Variants in ERMARD observed in about 807,000 individuals in gnomAD.
The protein encoded by ERMARD is ER membrane associated RNA degradation.
In ERMARD, 71 loss-of-function variants were observed where a neutral mutation model predicts 83.9. The ratio of observed to expected loss-of-function variants is 0.85; its 90% CI spans 0.70 to 1.03. The LOEUF (loss-of-function observed/expected upper bound fraction) is 1.03. ERMARD is among the 50% of genes least tolerant of loss of function. The pLI, the probability that ERMARD is intolerant of heterozygous loss-of-function variation, is 0.00. For synonymous variants in ERMARD, 284 were observed against 298.6 expected (o/e 0.95, Z 0.50); for missense variants, 838 against 810.9 (o/e 1.03, Z -0.41).
intron 1 of ERMARD, among the ~76,000 whole-genome samples, chr6:169,752,885 A>G (rs1367633405): frequency 3.9e-5 from 6 of 152,236 alleles, no homozygotes; most frequent in South Asian, 2.1e-4. Context: ...ACCTCTGCCC[A>G]TCTTAGTTCG....
intron 9 of ERMARD, among the ~76,000 whole-genome samples, chr6:169,763,266 C>T (rs1231693840): frequency 1.3e-5 from 2 of 152,202 alleles, no homozygotes; most frequent in Non-Finnish European, 2.9e-5. Flanking sequence ...ATGTGAGTAG[C>T]TCCCACTGAG....
At chr6:169,776,313 G>A (rs1251421685) in intron 15 of ERMARD, 142 bp from the exon 16 acceptor site, 11 of 1,551,980 alleles carry the variant, frequency 7.1e-6, no homozygotes, top group Admixed American at 3.9e-5. Context: ...CACTTGCCGC[G>A]TGTCACGGTT....
Position 169,781,454 on chromosome 6 carries a change from G to T in ERMARD, c.1978G>T (p.Glu660Ter). ...TTTGTTGAAAATGTGGACTTTTAGTGAGAAGAAACAAATGTTAATACATTT... is the reference window on the plus strand; with the variant it reads ...TTTGTTGAAAATGTGGACTTTTAGTTAGAAGAAACAAATGTTAATACATTT... ...TALLKMWTFSEKKQMLIHLAK... is the reference protein window; with the variant it reads ...TALLKMWTFS Residue 660 changes from glutamate (E) to a stop codon, truncating the protein, a stop_gained, in exon 18 of 18, where the codon GAG becomes TAG. Transcript: ENST00000366773. LOFTEE classifies it high-confidence loss of function. The T allele has an allele frequency of 6.2e-7, 1 of 1,611,518 alleles. No individual in the cohort carries two copies. Among genetic ancestry groups the T allele is most frequent in the South Asian group, 1.1e-5 (1 of 89,868 alleles).
intron 10 of ERMARD, chr6:169,767,553 A>C (rs1792360446): frequency 6.3e-6 from 1 of 157,582 alleles, no homozygotes; most frequent in East Asian, 1.8e-4. Flanking sequence ...AGGCATACAC[A>C]CACTCTAATG....
chr6:169,776,383 T>C (rs546423899), intron 15 of ERMARD, 72 bp from the exon 16 acceptor site: 7 of 1,567,656 alleles, frequency 4.5e-6, no homozygotes, highest in Non-Finnish European at 4.3e-6. Context: ...GCCGCAGCCT[T>C]GCAGGTGCAG....
At chr6:169,775,802 CTTTTTCCA>C in intron 14 of ERMARD, 130 bp from the exon 15 acceptor site, 1 of 1,162,794 alleles carries the variant, frequency 8.6e-7, no homozygotes, top group Non-Finnish European at 1.2e-6. Flanking sequence ...GTCATGGTGG[CTTTTTCCA>C]TTTTATATTT....
intron 6 of ERMARD, 89 bp from the exon 7 acceptor site, chr6:169,759,749 T>G: frequency 7.7e-7 from 1 of 1,299,028 alleles, no homozygotes; most frequent in Non-Finnish European, 1.1e-6. Flanking sequence ...CTTTGCTTTC[T>G]TAATTTTAAA....
chr6:169,777,076 A>G (rs1199779911), intron 16 of ERMARD, among the ~76,000 whole-genome samples: 1 of 152,228 alleles, frequency 6.6e-6, no homozygotes, highest in Non-Finnish European at 1.5e-5. Context: ...GACAGGAGAC[A>G]AAGGATTGCA....
intron 17 of ERMARD, among the ~76,000 whole-genome samples, chr6:169,780,510 C>T (rs557690906): frequency 2.0e-5 from 3 of 152,154 alleles, no homozygotes; most frequent in Non-Finnish European, 4.4e-5. Flanking sequence ...AGAGTGACCC[C>T]GCTGTTAACA....
intron 11 of ERMARD, 44 bp from the exon 12 acceptor site, chr6:169,769,496 C>G: frequency 1.3e-6 from 2 of 1,540,132 alleles, no homozygotes; most frequent in East Asian, 4.6e-5. Flanking sequence ...CGTCTCTCTG[C>G]TGCGGATACT....
intron 10 of ERMARD, chr6:169,767,678 A>G (rs1304087483): frequency 4.5e-6 from 1 of 220,188 alleles, no homozygotes; most frequent in Non-Finnish European, 9.2e-6. Flanking sequence ...CACAACACAC[A>G]TGCACACACC....
chr6:169,755,364 C>T lies in ERMARD; in HGVS notation c.257C>T (p.Thr86Ile), dbSNP rs61735516. 6.2e-7 allele frequency: 1 copy of T among 1,614,008 alleles called. No individual in the cohort carries two copies. The highest frequency in any genetic ancestry group is 1.3e-5 in the African/African-American group (1 of 74,902). The part of the protein sequence containing the change: ...EAVHSHFLSL[T>I]KGQFEIRYAP... The stretch of plus-strand genomic sequence containing the variant: ...GTCCATTCACATTTCTTATCTCTGA[C>T]CAAGGGGCAATTTGAAATTCGATAT... The change falls in exon 3 of 18, where the codon ACC (threonine) becomes ATC (isoleucine). Residue 86 changes from threonine to isoleucine, a missense_variant. Transcript: ENST00000366773.
chr6:169,778,074 G>T (rs1451166069), intron 16 of ERMARD, among the ~76,000 whole-genome samples: 1 of 152,222 alleles, frequency 6.6e-6, no homozygotes, highest in South Asian at 2.1e-4. Context: ...GGACCATGGA[G>T]ATGCGCCAGT....
chr6:169,767,043 G>A, intron 10 of ERMARD: 1 of 171,726 alleles, frequency 5.8e-6, no homozygotes, highest in Non-Finnish European at 1.2e-5. Flanking sequence ...CATGTTGGCG[G>A]TGTGAATAGT....
At position 169,768,440 on chromosome 6, in the gene ERMARD, G is replaced by A. The variant is rs56869360; in HGVS notation, c.1059+269G>A. Among the ~76,000 whole-genome samples the A allele has an allele frequency of 0.12, 18,559 of 152,132 alleles. 1,192 individuals carry two copies. The highest frequency in any genetic ancestry group is 0.17 in the Middle Eastern group (51 of 294). On this transcript the variant is annotated intron_variant, in intron 11 of 17. Coordinates refer to ENST00000366773, the MANE Select transcript of ERMARD (RefSeq NM_018341.3). ...TTTACATGTATTTGTGCTGTAGAAC[G>A]GACATATATTTGTGCCTTGTTAAAT... is the stretch of plus-strand genomic sequence containing the variant.
intron 3 of ERMARD, chr6:169,755,679 G>A (rs74641387): frequency 4.7e-6 from 2 of 421,600 alleles, no homozygotes; most frequent in East Asian, 8.7e-5. Context: ...TTTGTCACAC[G>A]GTGCCCATCC....
At chr6:169,753,377 G>A (rs1790394523) in intron 1 of ERMARD, 1 of 154,340 alleles carries the variant, frequency 6.5e-6, no homozygotes, top group Non-Finnish European at 1.5e-5. Flanking sequence ...TCAGAGGTAC[G>A]TGGGGTTCTT....
chr6:169,757,537 G>A (rs1790967681), intron 5 of ERMARD, among the ~76,000 whole-genome samples: 1 of 152,090 alleles, frequency 6.6e-6, no homozygotes, highest in Non-Finnish European at 1.5e-5. Context: ...TAAACTTACA[G>A]TGGAAAAAAA....
chr6:169,757,466 A>G (rs1292938031), intron 5 of ERMARD, among the ~76,000 whole-genome samples: 1 of 152,234 alleles, frequency 6.6e-6, no homozygotes, highest in African/African-American at 2.4e-5. Context: ...TAACCCTTTA[A>G]ATGAGTGATA....
Sources: gnomAD v4.1 joint callset for allele counts (sites outside exome capture counted in the v4.1 genomes callset) on GRCh38, gnomAD v4.1.1 for gene constraint, MANE v1.5 for transcripts, NCBI Gene and HGNC (gene_info 2026-07-23, HGNC 2026-07-21) for gene names.